Variants in NSD2 observed in about 807,000 individuals in gnomAD.
The protein encoded by NSD2 is nuclear receptor binding SET domain protein 2.
Under a neutral mutation model 139.0 loss-of-function variants are expected in NSD2, and 12 were observed. The ratio of observed to expected loss-of-function variants is 0.09; its 90% CI spans 0.06 to 0.14. The LOEUF (loss-of-function observed/expected upper bound fraction) is 0.14, where lower values mean the gene tolerates loss of function less well. Ranked by LOEUF, NSD2 falls within the 10% of genes least tolerant of loss-of-function variation. The pLI is 1.00. For missense variants in NSD2, 1,155 were observed against 1,745.0 expected (o/e 0.66, Z 6.02); for synonymous variants, 669 against 648.7 (o/e 1.03, Z -0.48).
chr4:1,979,121 C>A lies in NSD2; in HGVS notation c.*212C>A. ...CACTGATGACCGTCTGAGCCCAGCT[C>A]AGCGTTCCTGGACAAACAGCCTCAC... On this transcript the variant is annotated 3_prime_UTR_variant, in exon 22 of 22. Coordinates refer to ENST00000508803, the MANE Select transcript of NSD2 (RefSeq NM_001042424.3). The A allele has an allele frequency of 2.0e-6, 1 of 501,700 alleles. No individual in the cohort carries two copies. The highest frequency in any genetic ancestry group is 3.3e-6 in the Non-Finnish European group (1 of 305,794). The allele number at this position is 501,700 out of a possible 1,614,324, so 31.1% of individuals were successfully genotyped here. A position where few individuals can be genotyped will look rare whatever the true frequency, so the allele number is the denominator to read the frequency against.
intron 12 of NSD2, among the ~76,000 whole-genome samples, chr4:1,954,031 G>C (rs1724562083): frequency 6.6e-6 from 1 of 151,586 alleles, no homozygotes; most frequent in African/African-American, 2.4e-5. Context: ...TGTTGCCCAG[G>C]CTGGAGTGCA....
In NSD2 at chr4:1,942,384, G is replaced by T. The variant is rs1723189947; in HGVS notation, c.1881+2606G>T. On this transcript the variant is annotated intron_variant, in intron 9 of 21. Coordinates refer to ENST00000508803, the MANE Select transcript of NSD2 (RefSeq NM_001042424.3). The surrounding 1 kb of genome is among the most constrained non-coding windows in gnomAD (Gnocchi z 4.0). ...AGTCAAGTTGGATTTGAACCCAGCT[G>T]CTCTGTACTGCACTTAGAATGATGT... is the stretch of plus-strand genomic sequence containing the variant. The T allele has an allele frequency of 6.2e-7, 1 of 1,613,810 alleles. No individual in the cohort carries two copies. The highest frequency in any genetic ancestry group is 8.5e-7 in the Non-Finnish European group (1 of 1,179,946).
intron 9 of NSD2, chr4:1,940,968 G>T: frequency 9.4e-7 from 1 of 1,058,244 alleles, no homozygotes; most frequent in African/African-American, 1.6e-5. Context: ...GTCGAGACCT[G>T]TTCACGGATG....
intron 18 of NSD2, among the ~76,000 whole-genome samples, chr4:1,969,588 T>C (rs1031798867): frequency 2.6e-5 from 4 of 150,956 alleles, no homozygotes; most frequent in African/African-American, 9.8e-5. Flanking sequence ...GTGCCTGTTG[T>C]CCCAGCTACT....
intron 1 of NSD2, among the ~76,000 whole-genome samples, chr4:1,871,980 G>C (rs1031711165): frequency 1.3e-5 from 2 of 150,090 alleles, no homozygotes; most frequent in Non-Finnish European, 3.0e-5. Context: ...CGAGCGGGTC[G>C]GGCCGGCCTT....
chr4:1,941,345 G>A, intron 9 of NSD2: 1 of 1,052,330 alleles, frequency 9.5e-7, no homozygotes, highest in Non-Finnish European at 1.1e-6. Context: ...GTACAGTAGA[G>A]AGAACATGGA....
At chr4:1,914,259 G>A (rs1719067721) in intron 3 of NSD2, among the ~76,000 whole-genome samples, 2 of 152,268 alleles carry the variant, frequency 1.3e-5, no homozygotes, top group Non-Finnish European at 2.9e-5. Context: ...CTGACCTCAA[G>A]TATTCTACCC....
In NSD2 at chr4:1,980,709, A is replaced by G. The variant is rs1441347866; in HGVS notation, c.*1800A>G. The G allele has an allele frequency of 4.3e-6, 1 of 233,012 alleles. No homozygotes were observed. 14.4% of individuals were successfully genotyped at this position (233,012 alleles called of 1,614,324 possible). A position where few individuals can be genotyped will look rare whatever the true frequency, so the allele number is the denominator to read the frequency against. ...CCCATCAGGGTCCCCAGCAAAGTTA[A>G]CTACACAGAGGACCCAGGGGAAACG... is the stretch of plus-strand genomic sequence containing the variant. On this transcript the variant is annotated 3_prime_UTR_variant, in exon 22 of 22. Coordinates refer to ENST00000508803, the MANE Select transcript of NSD2 (RefSeq NM_001042424.3).
At chr4:1,895,238 T>C (rs1716107039) in intron 1 of NSD2, among the ~76,000 whole-genome samples, 1 of 152,200 alleles carries the variant, frequency 6.6e-6, no homozygotes, top group Admixed American at 6.5e-5. Context: ...GTGAACATGG[T>C]TGTACAAATA....
intron 3 of NSD2, among the ~76,000 whole-genome samples, chr4:1,910,443 A>C (rs1436959438): frequency 6.6e-6 from 1 of 152,076 alleles, no homozygotes; most frequent in South Asian, 2.1e-4. Context: ...CAGGCTGGTC[A>C]AGGCTCAACC....
intron 9 of NSD2, chr4:1,941,591 AAATACATTTATAT>A (rs1481407920): frequency 6.8e-6 from 7 of 1,035,812 alleles, no homozygotes; most frequent in Non-Finnish European, 8.1e-6. Context: ...ATAGGTTGTT[AAATACATTTATAT>A]AATACATTAA....
chr4:1,882,535 G>T (rs1714779669), intron 1 of NSD2, among the ~76,000 whole-genome samples: 1 of 152,120 alleles, frequency 6.6e-6, no homozygotes, highest in Non-Finnish European at 1.5e-5. Context: ...GTGGTGGCGG[G>T]CGCCTGTAGT....
At chr4:1,952,707 C>G in intron 11 of NSD2, 1 of 1,071,612 alleles carries the variant, frequency 9.3e-7, no homozygotes, top group Non-Finnish European at 1.1e-6. Context: ...CAGGCTTGTC[C>G]TGGGTTGTCA....
intron 1 of NSD2, 44 bp from the exon 2 acceptor site, chr4:1,900,582 T>A: frequency 7.4e-7 from 1 of 1,350,134 alleles, no homozygotes. Flanking sequence ...AGGTTTTAAA[T>A]GTAATTGCTT....
intron 18 of NSD2, among the ~76,000 whole-genome samples, chr4:1,966,698 A>G (rs1196053737): frequency 6.6e-6 from 1 of 151,666 alleles, no homozygotes; most frequent in Non-Finnish European, 1.5e-5. Flanking sequence ...AAAAACAATT[A>G]CTAGTTTAAA....
intron 15 of NSD2, among the ~76,000 whole-genome samples, chr4:1,957,058 C>T (rs1724888885): frequency 6.6e-6 from 1 of 152,160 alleles, no homozygotes; most frequent in Non-Finnish European, 1.5e-5. Context: ...GGCAAAGTCT[C>T]CTAACTGTGG....
In NSD2 at chr4:1,979,679, G is replaced by T. The variant is rs1455428807; in HGVS notation, c.*770G>T. On this transcript the variant is annotated 3_prime_UTR_variant, in exon 22 of 22. Coordinates refer to ENST00000508803, the MANE Select transcript of NSD2 (RefSeq NM_001042424.3). ...TCACCTGGGCCTATCTTCTGAACTC[G>T]CTAGGTTCTTATCAACATTTGGGGG... 2 of 232,230 alleles carry T rather than the reference G, an allele frequency of 8.6e-6. No individual in the cohort carries two copies. The highest frequency in any genetic ancestry group is 1.8e-4 in the South Asian group (1 of 5,526). 14.4% of individuals were successfully genotyped at this position (232,230 alleles called of 1,614,324 possible).
intron 9 of NSD2, chr4:1,940,665 T>TGG (rs1214220630): frequency 9.4e-7 from 1 of 1,061,690 alleles, no homozygotes; most frequent in African/African-American, 1.6e-5. Context: ...AGATGATAAC[T>TGG]GGGGGCCCTT....
chr4:1,911,386 G>A (rs572936745), intron 3 of NSD2, among the ~76,000 whole-genome samples: 11 of 152,012 alleles, frequency 7.2e-5, no homozygotes, highest in Admixed American at 4.6e-4. Context: ...TCAGGAGTTC[G>A]AGACCAGCCT....
Sources: gnomAD v4.1 joint callset for allele counts (sites outside exome capture counted in the v4.1 genomes callset) on GRCh38, gnomAD v4.1.1 for gene constraint, Gnocchi (gnomAD v3.1) non-coding constraint, MANE v1.5 for transcripts, NCBI Gene and HGNC (gene_info 2026-07-23, HGNC 2026-07-21) for gene names.